Variants in ITGA8 observed in about 807,000 individuals in gnomAD.
ITGA8 encodes the protein integrin subunit alpha 8.
Under a neutral mutation model 142.3 loss-of-function variants are expected in ITGA8, and 91 were observed. The observed-to-expected ratio is 0.64, with a 90% CI of 0.54 to 0.76. ITGA8 has a LOEUF of 0.76. Ranked by LOEUF, ITGA8 falls within the 30% of genes least tolerant of loss-of-function variation. The pLI is 0.00. For synonymous variants in ITGA8, 505 were observed against 485.2 expected (o/e 1.04, Z -0.54); for missense variants, 1,406 against 1,327.7 (o/e 1.06, Z -0.92).
intron 27 of ITGA8, among the ~76,000 whole-genome samples, chr10:15,543,769 A>C (rs1220227089): frequency 6.6e-6 from 1 of 152,188 alleles, no homozygotes; most frequent in African/African-American, 2.4e-5. Flanking sequence ...TTCACTTAGA[A>C]TCTCGTAATA....
Position 15,719,003 on chromosome 10 carries a change from A to C in ITGA8, c.210-104T>G. On this transcript the variant is annotated intron_variant, in intron 1 of 29. Transcript: ENST00000378076. ...CCCGGGGACACTGGGGCAGGCGTGGAGGGCATGAACGTATTTATGATGAGG... is the reference window on the plus strand; with the variant it reads ...CCCGGGGACACTGGGGCAGGCGTGGCGGGCATGAACGTATTTATGATGAGG... The C allele has an allele frequency of 2.0e-6, 3 of 1,535,160 alleles. No homozygotes were observed. In the South Asian group the frequency reaches 3.5e-5, roughly 18 times the overall value.
At chr10:15,706,251 T>A (rs1281874116) in intron 2 of ITGA8, among the ~76,000 whole-genome samples, 1 of 152,088 alleles carries the variant, frequency 6.6e-6, no homozygotes, top group Non-Finnish European at 1.5e-5. Context: ...CTTCATCTGA[T>A]CCATAATGAT....
At position 15,688,023 on chromosome 10, in the gene ITGA8, C is replaced by T. The variant is rs1271291356; in HGVS notation, c.359G>A (p.Arg120Lys). The T allele has an allele frequency of 6.2e-7, 1 of 1,609,754 alleles. No individual in the cohort carries two copies. Among genetic ancestry groups the T allele is most frequent in the Non-Finnish European group, 8.5e-7 (1 of 1,176,084 alleles). ...PFDTTNNRKIRVNGTKEPIEF... is the reference protein window; with the variant it reads ...PFDTTNNRKIKVNGTKEPIEF... ...GATAGGTTCTTTGGTTCCATTAACT[C>T]TGATCTTTCTGTTGTCTGTCAAAGA... The change falls in exon 3 of 30, where the codon AGA (arginine) becomes AAA (lysine). Residue 120 changes from arginine to lysine, a missense_variant. Physicochemically the swap from Arg to Lys is conservative, Grantham distance 26. Coordinates refer to ENST00000378076, the MANE Select transcript of ITGA8 (RefSeq NM_003638.3).
intron 11 of ITGA8, among the ~76,000 whole-genome samples, chr10:15,653,984 A>G (rs12221342): frequency 0.098 from 14,920 of 151,878 alleles, 930 homozygotes; most frequent in East Asian, 0.29. Flanking sequence ...ACAGGCACCC[A>G]CCACCATGCC....
intron 15 of ITGA8, among the ~76,000 whole-genome samples, chr10:15,612,253 C>T (rs999375938): frequency 1.3e-5 from 2 of 152,142 alleles, no homozygotes; most frequent in African/African-American, 4.8e-5. Context: ...CTTCAGGGTC[C>T]TCTAAGTCCC....
chr10:15,530,995 A>G, intron 28 of ITGA8, 55 bp downstream of exon 28: 1 of 1,035,382 alleles, frequency 9.7e-7, no homozygotes, highest in Non-Finnish European at 1.4e-6. Context: ...GACAGTGATT[A>G]AAACAATTAT....
intron 2 of ITGA8, among the ~76,000 whole-genome samples, chr10:15,707,961 GACACACACACACACACACACAC>G (rs138462340): frequency 6.9e-6 from 1 of 144,872 alleles, no homozygotes; most frequent in African/African-American, 2.6e-5. Flanking sequence ...TGCACACACC[GACACACACACACACACACACAC>G]ACACACACAC....
At chr10:15,644,897 T>A (rs1833949790) in intron 12 of ITGA8, among the ~76,000 whole-genome samples, 1 of 151,350 alleles carries the variant, frequency 6.6e-6, no homozygotes, top group African/African-American at 2.4e-5. Context: ...ATCGAGACCA[T>A]CCTGGCTAAC....
chr10:15,603,687 G>C (rs1391466596), intron 20 of ITGA8, among the ~76,000 whole-genome samples: 2 of 152,178 alleles, frequency 1.3e-5, no homozygotes, highest in African/African-American at 4.8e-5. Flanking sequence ...GGAAGACCAG[G>C]CTGTTCCTGG....
chr10:15,710,136 A>T (rs1294592598), intron 2 of ITGA8, among the ~76,000 whole-genome samples: 2 of 152,202 alleles, frequency 1.3e-5, no homozygotes, highest in East Asian at 3.8e-4. Flanking sequence ...GAAAACAAGA[A>T]AAAAAATGCA....
chr10:15,627,220 TC>T (rs1833601007), intron 13 of ITGA8, among the ~76,000 whole-genome samples: 1 of 152,204 alleles, frequency 6.6e-6, no homozygotes, highest in African/African-American at 2.4e-5. Flanking sequence ...TTTCACTGGA[TC>T]ACTCACATTC....
intron 26 of ITGA8, among the ~76,000 whole-genome samples, chr10:15,551,255 G>A (rs1418638816): frequency 2.0e-5 from 3 of 151,706 alleles, no homozygotes; most frequent in Non-Finnish European, 4.4e-5. Context: ...AAAATTAAAT[G>A]GATGAGAGAG....
chr10:15,535,044 G>A (rs182632754), intron 27 of ITGA8, among the ~76,000 whole-genome samples: 37 of 152,278 alleles, frequency 2.4e-4, no homozygotes, highest in Non-Finnish European at 4.4e-4. Context: ...TGAGTTCCGC[G>A]GGTGAGTGTG....
intron 17 of ITGA8, 78 bp downstream of exon 17, chr10:15,607,599 T>C (rs563818318): frequency 2.1e-4 from 292 of 1,385,850 alleles, no homozygotes; most frequent in Non-Finnish European, 2.8e-4. Flanking sequence ...CAGACAAACA[T>C]GATGGTTAAA....
intron 4 of ITGA8, 39 bp from the exon 5 acceptor site, chr10:15,678,822 A>C (rs773322669): frequency 3.0e-5 from 39 of 1,319,228 alleles, no homozygotes; most frequent in Middle Eastern, 1.9e-4. Flanking sequence ...TAACGTTATC[A>C]TTCCTGAAAT....
Position 15,712,644 on chromosome 10 carries a change from T to G in ITGA8, c.343+6122A>C, listed in dbSNP as rs570229963. ...TAAAAAATAAAAAAGTCCATGTTCATGTACTGTCATGGTATCCATCAGGGC... is the reference window on the plus strand; with the variant it reads ...TAAAAAATAAAAAAGTCCATGTTCAGGTACTGTCATGGTATCCATCAGGGC... On this transcript the variant is annotated intron_variant, in intron 2 of 29. Transcript: ENST00000378076. Among the ~76,000 whole-genome samples, 130 of 152,256 alleles carry G rather than the reference T, an allele frequency of 8.5e-4. 1 individual carries two copies. The highest frequency in any genetic ancestry group is 3.4e-3 in the Middle Eastern group (1 of 294).
At chr10:15,670,762 A>C (rs529887270) in intron 8 of ITGA8, among the ~76,000 whole-genome samples, 1 of 152,222 alleles carries the variant, frequency 6.6e-6, no homozygotes, top group South Asian at 2.1e-4. Context: ...TCTCCCCTGC[A>C]CGTTGAATAG....
chr10:15,698,871 C>A (rs753072978), intron 2 of ITGA8, among the ~76,000 whole-genome samples: 44 of 152,270 alleles, frequency 2.9e-4, no homozygotes, highest in Middle Eastern at 6.8e-3. Flanking sequence ...TTTCTGTTAA[C>A]TCTGGCAATT....
chr10:15,604,785 A>G (rs1349235239), intron 19 of ITGA8, among the ~76,000 whole-genome samples: 1 of 152,120 alleles, frequency 6.6e-6, no homozygotes. Flanking sequence ...AAAATGGGCA[A>G]TGGAATAAAA....
Sources: allele counts gnomAD v4.1 joint callset (sites outside exome capture counted in the v4.1 genomes callset), GRCh38; gene constraint gnomAD v4.1.1; transcripts MANE v1.5; gene names NCBI Gene and HGNC (gene_info 2026-07-23, HGNC 2026-07-21).